The following INPP5B variants were observed in gnomAD, a reference collection of about 807,000 sequenced individuals.
INPP5B encodes the protein inositol polyphosphate-5-phosphatase B, also known as type II inositol 1,4,5-trisphosphate 5-phosphatase.
INPP5B carries 90 observed loss-of-function variants against 118.5 expected under a neutral mutation model. The ratio of observed to expected loss-of-function variants is 0.76; its 90% CI spans 0.64 to 0.90. INPP5B has a LOEUF of 0.90. INPP5B is among the 40% of genes least tolerant of loss of function. The probability of loss-of-function intolerance (pLI) is 0.00; values close to 1 mark genes in which losing one functional copy is unlikely to be tolerated. For missense variants in INPP5B, 984 were observed against 1,125.6 expected, an observed-to-expected ratio of 0.87 and a Z score of 1.80; for synonymous variants, 385 against 418.9, an observed-to-expected ratio of 0.92 and a Z score of 0.99.
At chr1:37,889,772 C>A in intron 8 of INPP5B, 48 bp from the exon 9 acceptor site, 1 of 1,413,680 alleles carries the variant, frequency 7.1e-7, no homozygotes, top group Non-Finnish European at 9.8e-7. Flanking sequence ...GTCCCCATGG[C>A]AAAATGAATG....
chr1:37,911,842 G>T (rs1307211596), intron 7 of INPP5B, among the ~76,000 whole-genome samples: 3 of 152,176 alleles, frequency 2.0e-5, no homozygotes, highest in Non-Finnish European at 2.9e-5. Context: ...AAAGGCATCA[G>T]ATCCCACTGC....
Position 37,873,002 on chromosome 1 carries a change from C to T in INPP5B, c.2115G>A (p.Gly705=). 1 of 1,614,066 alleles carries T rather than the reference C, an allele frequency of 6.2e-7. No individual in the cohort carries two copies. The change falls in exon 19 of 24, where the codon GGG becomes GGA. Residue 705 remains glycine (G), a synonymous_variant. Coordinates refer to ENST00000373024, the MANE Select transcript of INPP5B (RefSeq NM_005540.3). ...VSGNYLPSCF[G]SPIHTLCYMR... ...TGTAACACAGTGTATGAATGGGAGA[C>T]CCAAAACAGCTGGGCAGGTAGTTCC...
In INPP5B at chr1:37,945,753, C is replaced by T. The variant is rs769960516; in HGVS notation, c.152+3G>A. ...ACAGGTGGGGACCAAGCCCCTCACT[C>T]ACGCGTGTTCCTGGCCGCCGTGCTC... is the stretch of plus-strand genomic sequence containing the variant. On this transcript the variant is annotated splice_donor_region_variant and intron_variant, in intron 3 of 23. Transcript: ENST00000373024. 1.9e-6 allele frequency: 3 copies of T among 1,612,092 alleles called. No individual in the cohort carries two copies. Among genetic ancestry groups the T allele is most frequent in the South Asian group, 2.2e-5 (2 of 90,944 alleles).
chr1:37,866,463 G>T lies in INPP5B; in HGVS notation c.2382C>A (p.Asn794Lys). The change falls in exon 21 of 24, where the codon AAC (asparagine) becomes AAA (lysine). Residue 794 changes from asparagine to lysine, a missense_variant. Asn to Lys is a moderately conservative substitution (Grantham distance 94). Around this residue, in one of 2 missense-constraint regions of INPP5B, gnomAD observed 634 missense variants for 791.0 expected, o/e 0.80. Transcript: ENST00000373024. ...AGCTGAATGTCTGAAGGATACAGAG[G>T]TTATCAATCATTCCAGTATCCAAGC... ...RDCLDTGMID[N>K]LSASNHSVAE... is the part of the protein sequence containing the mutation. 1 of 1,524,326 alleles carries T rather than the reference G, an allele frequency of 6.6e-7. No homozygotes were observed. The highest frequency in any genetic ancestry group is 9.0e-7 in the Non-Finnish European group (1 of 1,106,388). The allele number at this position is 1,524,326 out of a possible 1,614,324, so 94.4% of individuals were successfully genotyped here.
intron 7 of INPP5B, chr1:37,930,648 T>G (rs894891732): frequency 6.6e-6 from 1 of 152,256 alleles, no homozygotes; most frequent in Non-Finnish European, 1.5e-5. Flanking sequence ...ATCAGCACCA[T>G]CAGGCGCTTC....
At chr1:37,910,656 G>T (rs1159987825) in intron 7 of INPP5B, among the ~76,000 whole-genome samples, 1 of 150,626 alleles carries the variant, frequency 6.6e-6, no homozygotes, top group Admixed American at 6.6e-5. Flanking sequence ...CCCACAGCAC[G>T]CTTTAAAAGG....
chr1:37,888,834 C>T (rs1341971866), intron 9 of INPP5B, among the ~76,000 whole-genome samples: 2 of 152,178 alleles, frequency 1.3e-5, no homozygotes, highest in Non-Finnish European at 2.9e-5. Flanking sequence ...ATTAATTTAG[C>T]TTTTAGTAAT....
At chr1:37,941,851 T>C (rs1357942222) in intron 5 of INPP5B, among the ~76,000 whole-genome samples, 2 of 126,458 alleles carry the variant, frequency 1.6e-5, no homozygotes, top group African/African-American at 2.9e-5. Flanking sequence ...GGCAGGAGAA[T>C]GGCGTGAACC....
chr1:37,869,943 T>C (rs1388980779), intron 19 of INPP5B: 2 of 152,088 alleles, frequency 1.3e-5, no homozygotes, highest in African/African-American at 4.8e-5. Flanking sequence ...TGCTCCAAAT[T>C]AGTTCCCTTG....
chr1:37,935,118 G>A (rs1407757154), intron 6 of INPP5B, among the ~76,000 whole-genome samples: 5 of 147,906 alleles, frequency 3.4e-5, no homozygotes, highest in African/African-American at 7.4e-5. Context: ...GGAGAATGGC[G>A]TGAACCCAGG....
intron 7 of INPP5B, among the ~76,000 whole-genome samples, chr1:37,903,012 C>T (rs1263455211): frequency 6.6e-6 from 1 of 151,636 alleles, no homozygotes; most frequent in Non-Finnish European, 1.5e-5. Flanking sequence ...AAAGAAAACA[C>T]AAATCTGGAC....
rs202077413 is a variant in INPP5B, at chr1:37,943,623, C to G, written c.280+17G>C. ...ACCCCTGCCCCGAGTGGGACCCAGA[C>G]CAAGAGGACCACTCACCAAGGATGT... On this transcript the variant is annotated intron_variant, in intron 5 of 23. Transcript: ENST00000373024. 1.1e-4 allele frequency: 173 copies of G among 1,613,710 alleles called. No individual in the cohort carries two copies. The highest frequency in any genetic ancestry group is 4.2e-6 in the Non-Finnish European group (5 of 1,179,878).
chr1:37,881,582 T>C (rs1251404139), intron 14 of INPP5B, among the ~76,000 whole-genome samples: 1 of 152,210 alleles, frequency 6.6e-6, no homozygotes, highest in East Asian at 1.9e-4. Flanking sequence ...GGTATGAATG[T>C]AAGCTGACCC....
intron 5 of INPP5B, among the ~76,000 whole-genome samples, chr1:37,941,623 A>G (rs1645914309): frequency 6.6e-6 from 1 of 151,728 alleles, no homozygotes; most frequent in South Asian, 2.1e-4. Context: ...CCCGAGTGAC[A>G]GAGCAAGATC....
At chr1:37,920,506 A>G (rs1645014683) in intron 7 of INPP5B, among the ~76,000 whole-genome samples, 1 of 151,876 alleles carries the variant, frequency 6.6e-6, no homozygotes, top group East Asian at 1.9e-4. Context: ...CTCTACTAAA[A>G]ACACAAGTAT....
At chr1:37,912,262 T>C (rs1409292149) in intron 7 of INPP5B, among the ~76,000 whole-genome samples, 1 of 152,178 alleles carries the variant, frequency 6.6e-6, no homozygotes, top group Admixed American at 6.6e-5. Flanking sequence ...TGGCTGTTCG[T>C]CTGCAGGATG....
intron 13 of INPP5B, 26 bp from the exon 14 acceptor site, chr1:37,882,944 C>A (rs1643294714): frequency 6.2e-7 from 1 of 1,613,800 alleles, no homozygotes; most frequent in South Asian, 1.1e-5. Context: ...ACAAAGGTAA[C>A]AGGGTTTAGG....
At chr1:37,934,974 C>T (rs1278628394) in intron 6 of INPP5B, among the ~76,000 whole-genome samples, 2 of 150,848 alleles carry the variant, frequency 1.3e-5, no homozygotes, top group Non-Finnish European at 3.0e-5. Flanking sequence ...CCGAGGCGGG[C>T]GGATCACGAG....
intron 10 of INPP5B, among the ~76,000 whole-genome samples, 195 bp from the exon 11 acceptor site, chr1:37,887,660 T>C (rs1643618265): frequency 6.6e-6 from 1 of 152,178 alleles, no homozygotes; most frequent in African/African-American, 2.4e-5. Flanking sequence ...AAAAACCCAT[T>C]TTCTTTTCAT....
Sources: allele counts gnomAD v4.1 joint callset (sites outside exome capture counted in the v4.1 genomes callset), GRCh38; gene constraint gnomAD v4.1.1; regional missense constraint gnomAD v4.1.1; transcripts MANE v1.5; gene names NCBI Gene and HGNC (gene_info 2026-07-23, HGNC 2026-07-21).